Variants in RGS22 observed in about 807,000 individuals in gnomAD.
RGS22 encodes regulator of G protein signaling 22, also known as regulator of G-protein signaling 22.
Under a neutral mutation model 172.9 loss-of-function variants are expected in RGS22, and 148 were observed. The ratio of observed to expected loss-of-function variants is 0.86; its 90% CI spans 0.75 to 0.98. The LOEUF is 0.98. RGS22 is among the 50% of genes least tolerant of loss of function. The probability of loss-of-function intolerance (pLI) is 0.00; values close to 1 mark genes in which losing one functional copy is unlikely to be tolerated. For missense variants in RGS22, 1,347 were observed against 1,440.8 expected (o/e 0.93, Z 1.05); for synonymous variants, 458 against 480.2 (o/e 0.95, Z 0.60).
At chr8:99,974,917 G>A (rs1009909351) in intron 23 of RGS22, among the ~76,000 whole-genome samples, 3 of 152,036 alleles carry the variant, frequency 2.0e-5, no homozygotes, top group African/African-American at 7.2e-5. Context: ...GGAGGCCAAG[G>A]TGGGCGGATT....
chr8:100,025,047 T>C (rs1818032350), intron 14 of RGS22, among the ~76,000 whole-genome samples: 1 of 150,564 alleles, frequency 6.6e-6, no homozygotes. Flanking sequence ...TGAGGATCTT[T>C]GGAGATCCTT....
rs141521655 is a variant in RGS22, at chr8:100,047,336, T to C, written c.1823+127A>G. ...GCAAAGTATAAGCCTCTAATACATA[T>C]CATTGAAAATTAAGAACCCATGTAA... On this transcript the variant is annotated intron_variant, in intron 11 of 27. Transcript: ENST00000360863. The C allele has an allele frequency of 1.6e-3, 1,232 of 767,190 alleles. 9 individuals are homozygous for C. The African/African-American group carries it at 0.018, about 11-fold the overall frequency. The allele number at this position is 767,190 out of a possible 1,614,324, so 47.5% of individuals were successfully genotyped here.
intron 22 of RGS22, 49 bp downstream of exon 22, chr8:99,981,888 T>C (rs776591802): frequency 2.0e-6 from 3 of 1,499,980 alleles, no homozygotes; most frequent in Non-Finnish European, 2.7e-6. Context: ...TTTAAAAGGA[T>C]TGTCAATCTA....
At chr8:100,091,892 T>C (rs926733123) in intron 3 of RGS22, 2 of 152,148 alleles carry the variant, frequency 1.3e-5, no homozygotes, top group African/African-American at 4.8e-5. Flanking sequence ...CAAGAACTCC[T>C]TGAATATCCT....
chr8:100,016,004 G>A lies in RGS22; in HGVS notation c.2167-7435C>T, dbSNP rs1452700225. 2.6e-5 allele frequency among the ~76,000 whole-genome samples: 4 copies of A among 152,326 alleles called. No individual in the cohort carries two copies. In the East Asian group the frequency reaches 7.7e-4, roughly 29 times the overall value. On this transcript the variant is annotated intron_variant, in intron 14 of 27. Coordinates refer to ENST00000360863, the MANE Select transcript of RGS22 (RefSeq NM_015668.5). ...ATTATTAATAGTTTCATTCTGAAAA[G>A]TATCTGGGTTTAGATGATAAATTAT...
At chr8:99,983,488 A>C (rs1812764809) in intron 21 of RGS22, among the ~76,000 whole-genome samples, 1 of 152,064 alleles carries the variant, frequency 6.6e-6, no homozygotes, top group Non-Finnish European at 1.5e-5. Flanking sequence ...ACCGTTTAAT[A>C]ATAGCCATTC....
chr8:99,965,644 T>A (rs968618902), intron 23 of RGS22, among the ~76,000 whole-genome samples: 3 of 152,094 alleles, frequency 2.0e-5, no homozygotes, highest in Non-Finnish European at 4.4e-5. Flanking sequence ...TTAAAATAAA[T>A]GAGAGAAATG....
intron 2 of RGS22, among the ~76,000 whole-genome samples, chr8:100,095,197 G>A (rs1475854585): frequency 1.3e-5 from 2 of 151,944 alleles, no homozygotes; most frequent in African/African-American, 4.8e-5. Flanking sequence ...TTTTGTTTTT[G>A]TTTTGAGACA....
intron 15 of RGS22, among the ~76,000 whole-genome samples, chr8:100,006,779 G>A (rs1414426340): frequency 6.6e-6 from 1 of 152,140 alleles, no homozygotes; most frequent in Non-Finnish European, 1.5e-5. Flanking sequence ...TTTTAGATAA[G>A]TCCTCATACT....
intron 24 of RGS22, 146 bp downstream of exon 24, chr8:99,965,189 A>T: frequency 2.2e-6 from 1 of 447,920 alleles, no homozygotes; most frequent in East Asian, 3.5e-5. Flanking sequence ...GCTCAAAGAA[A>T]CTCCCTTCAA....
At position 100,053,400 on chromosome 8, in the gene RGS22, C is replaced by T. The variant is rs1474033497; in HGVS notation, c.1515-424G>A. Among the ~76,000 whole-genome samples the T allele has an allele frequency of 5.9e-5, 7 of 119,034 alleles. No homozygotes were observed. In the East Asian group the frequency reaches 8.6e-4, roughly 15 times the overall value. 78.1% of individuals were successfully genotyped at this position (119,034 alleles called of 152,430 possible). On this transcript the variant is annotated intron_variant, in intron 9 of 27. Coordinates refer to ENST00000360863, the MANE Select transcript of RGS22 (RefSeq NM_015668.5). ...TTGTGCCATTGCACTCCAGCCTGGGCGACAAGAGCAAAACTCCATCTAAAA... is the reference window on the plus strand; with the variant it reads ...TTGTGCCATTGCACTCCAGCCTGGGTGACAAGAGCAAAACTCCATCTAAAA...
chr8:100,039,502 G>A (rs1391236024), intron 13 of RGS22, among the ~76,000 whole-genome samples: 3 of 151,084 alleles, frequency 2.0e-5, no homozygotes, highest in Non-Finnish European at 2.9e-5. Context: ...TCAGCCTCCC[G>A]AGTAGCTGGG....
At chr8:100,005,890 G>T in intron 16 of RGS22, 127 bp downstream of exon 16, 1 of 597,518 alleles carries the variant, frequency 1.7e-6, no homozygotes, top group Non-Finnish European at 2.9e-6. Flanking sequence ...GCTAGGCAAA[G>T]GAACAGCAGA....
chr8:100,026,825 C>T (rs534169693), intron 14 of RGS22, among the ~76,000 whole-genome samples: 5 of 152,300 alleles, frequency 3.3e-5, no homozygotes, highest in African/African-American at 1.2e-4. Flanking sequence ...GGAAACAGTT[C>T]CCTCATTCCT....
chr8:100,048,355 T>C (rs1046003793), intron 10 of RGS22, among the ~76,000 whole-genome samples: 5 of 152,114 alleles, frequency 3.3e-5, no homozygotes, highest in African/African-American at 9.7e-5. Context: ...CAGCCTAAAA[T>C]AAGTTAGTAG....
At chr8:100,070,283 T>C (rs1586198940) in intron 6 of RGS22, among the ~76,000 whole-genome samples, 1 of 152,116 alleles carries the variant, frequency 6.6e-6, no homozygotes, top group Non-Finnish European at 1.5e-5. Flanking sequence ...TTATCAATCC[T>C]TTGCTCTCAC....
At chr8:99,963,498 AT>A (rs1810422217) in intron 24 of RGS22, among the ~76,000 whole-genome samples, 1 of 152,220 alleles carries the variant, frequency 6.6e-6, no homozygotes, top group Non-Finnish European at 1.5e-5. Context: ...ATTTGGATTC[AT>A]TATAATTCTT....
At chr8:99,978,136 C>A in intron 22 of RGS22, 61 bp from the exon 23 acceptor site, 1 of 976,638 alleles carries the variant, frequency 1.0e-6, no homozygotes, top group Non-Finnish European at 1.5e-6. Context: ...AAACTCTATT[C>A]ACCATAATAA....
At chr8:100,035,579 T>C (rs935197070) in intron 14 of RGS22, among the ~76,000 whole-genome samples, 1 of 152,170 alleles carries the variant, frequency 6.6e-6, no homozygotes, top group Non-Finnish European at 1.5e-5. Context: ...GAACTAGACA[T>C]ACCATTGACC....
Sources: gnomAD v4.1 joint callset for allele counts (sites outside exome capture counted in the v4.1 genomes callset) on GRCh38, gnomAD v4.1.1 for gene constraint, MANE v1.5 for transcripts, NCBI Gene and HGNC (gene_info 2026-07-23, HGNC 2026-07-21) for gene names.